Variants in BRF1 observed in about 807,000 individuals in gnomAD.
The protein encoded by BRF1 is BRF1 general transcription factor IIIB subunit.
BRF1 carries 59 observed loss-of-function variants against 81.7 expected under a neutral mutation model. That is an observed-to-expected ratio of 0.72 (90% CI 0.59 to 0.90). The LOEUF (loss-of-function observed/expected upper bound fraction) is 0.90. Ranked by LOEUF, BRF1 falls within the 40% of genes least tolerant of loss-of-function variation. BRF1 has a pLI of 0.00. For synonymous variants in BRF1, 491 were observed against 395.6 expected (o/e 1.24, Z -2.86); for missense variants, 1,050 against 936.3 (o/e 1.12, Z -1.58).
At chr14:105,248,966 C>T (rs946780280) in intron 5 of BRF1, 3 of 980,272 alleles carry the variant, frequency 3.1e-6, no homozygotes, top group Non-Finnish European at 3.6e-6. Flanking sequence ...CCGGGCCGCG[C>T]AGCCCGCCCA....
intron 5 of BRF1, chr14:105,247,234 A>G: frequency 1.0e-6 from 1 of 985,356 alleles, no homozygotes; most frequent in East Asian, 1.1e-4. Context: ...CCGGACTCTC[A>G]TGCATATGCT....
intron 1 of BRF1, among the ~76,000 whole-genome samples, chr14:105,292,056 T>C (rs1423379235): frequency 6.6e-6 from 1 of 152,162 alleles, no homozygotes; most frequent in East Asian, 1.9e-4. Flanking sequence ...AGGGGCACCA[T>C]CACGGCTCAC....
In BRF1 at chr14:105,229,004, A is replaced by C. The variant is rs901323158; in HGVS notation, c.695-91T>G. On this transcript the variant is annotated intron_variant, in intron 6 of 17. Transcript: ENST00000547530. ...CAGGACAACACTGCGGATCCCGGTC[A>C]CGGAGATGATGGCCTGAGAAGACGT... The C allele has an allele frequency of 4.2e-6, 5 of 1,187,210 alleles. No homozygotes were observed. The Admixed American group carries it at 8.4e-5, about 20-fold the overall frequency. 73.5% of individuals were successfully genotyped at this position (1,187,210 alleles called of 1,614,324 possible).
intron 4 of BRF1, among the ~76,000 whole-genome samples, chr14:105,254,493 C>G (rs1331303388): frequency 1.3e-5 from 2 of 152,100 alleles, no homozygotes; most frequent in Admixed American, 6.6e-5. Flanking sequence ...TCCAGACCTC[C>G]TGATCTGCCC....
At chr14:105,254,139 C>G (rs762351968) in intron 4 of BRF1, among the ~76,000 whole-genome samples, 3 of 152,222 alleles carry the variant, frequency 2.0e-5, no homozygotes, top group Non-Finnish European at 4.4e-5. Flanking sequence ...ACCTTGTGTC[C>G]CAGAGACACA....
At chr14:105,247,404 C>T in intron 5 of BRF1, 2 of 985,416 alleles carry the variant, frequency 2.0e-6, no homozygotes, top group Non-Finnish European at 2.4e-6. Context: ...GATTTGTGCA[C>T]TCTGGGCCAT....
chr14:105,314,084 G>C (rs1219270248), intron 1 of BRF1, among the ~76,000 whole-genome samples: 1 of 152,268 alleles, frequency 6.6e-6, no homozygotes, highest in Admixed American at 6.5e-5. Flanking sequence ...GGCTAAGCTC[G>C]GCAGCCTGGC....
chr14:105,288,683 G>T (rs1200398785), intron 1 of BRF1, among the ~76,000 whole-genome samples: 1 of 147,806 alleles, frequency 6.8e-6, no homozygotes, highest in Non-Finnish European at 1.5e-5. Flanking sequence ...ACCCAGGCTG[G>T]AGTGCAGTGG....
At chr14:105,241,584 C>A (rs991807699) in intron 5 of BRF1, 170 bp from the exon 6 acceptor site, 8 of 865,496 alleles carry the variant, frequency 9.2e-6, no homozygotes, top group Non-Finnish European at 1.4e-5. Flanking sequence ...GCTAGGGCAG[C>A]CATCGCACCG....
intron 3 of BRF1, among the ~76,000 whole-genome samples, chr14:105,267,267 C>T (rs921615741): frequency 8.5e-5 from 13 of 152,120 alleles, no homozygotes; most frequent in Admixed American, 2.0e-4. Flanking sequence ...CTGGGTGTGC[C>T]GGTGTTTCCA....
chr14:105,308,185 C>G (rs587693371), intron 1 of BRF1, among the ~76,000 whole-genome samples: 1 of 150,968 alleles, frequency 6.6e-6, no homozygotes, highest in Non-Finnish European at 1.5e-5. Context: ...TCTGTCCCCC[C>G]CAAAAAAACA....
At chr14:105,286,865 A>T in intron 1 of BRF1, among the ~76,000 whole-genome samples, 1 of 152,222 alleles carries the variant, frequency 6.6e-6, no homozygotes. Flanking sequence ...GCGAGAACAC[A>T]GATGTACCTC....
At chr14:105,267,256 G>A (rs1378261826) in intron 3 of BRF1, among the ~76,000 whole-genome samples, 1 of 152,044 alleles carries the variant, frequency 6.6e-6, no homozygotes, top group East Asian at 1.9e-4. Context: ...ATGGGCCCAC[G>A]CTGGGTGTGC....
At chr14:105,222,059 G>A (rs1433438071) in intron 10 of BRF1, 145 bp from the exon 11 acceptor site, 2 of 1,055,090 alleles carry the variant, frequency 1.9e-6, no homozygotes, top group East Asian at 2.7e-5. Flanking sequence ...CAAAGAACGA[G>A]CCTCAGCCCA....
chr14:105,241,385 G>C lies in BRF1; in HGVS notation c.574C>G (p.His192Asp). The change falls in exon 6 of 18, where the codon CAC becomes GAC. Residue 192 changes from histidine (H) to aspartate (D), a missense_variant. Physicochemically the swap from His to Asp is moderately conservative, Grantham distance 81 (BLOSUM62 -1). Transcript: ENST00000547530. Reference protein sequence around the residue: ...DPCLYIPRFAHLLEFGEKNHE... With the variant: ...DPCLYIPRFADLLEFGEKNHE... ...TTCTTCTCCCCGAATTCCAGCAGGT[G>C]CGCAAAGCGTGGAATATACAGGCAC... 1 of 1,612,702 alleles carries C rather than the reference G, an allele frequency of 6.2e-7. No individual in the cohort carries two copies. Among genetic ancestry groups the C allele is most frequent in the Non-Finnish European group, 8.5e-7 (1 of 1,179,940 alleles).
intron 15 of BRF1, among the ~76,000 whole-genome samples, chr14:105,216,163 A>G (rs1253091270): frequency 6.6e-6 from 1 of 152,190 alleles, no homozygotes; most frequent in Non-Finnish European, 1.5e-5. Context: ...ACATGTATAC[A>G]CACACAGAGA....
intron 1 of BRF1, among the ~76,000 whole-genome samples, chr14:105,293,737 C>T (rs2057617844): frequency 6.6e-6 from 1 of 152,190 alleles, no homozygotes; most frequent in Non-Finnish European, 1.5e-5. Context: ...TGCTCGGGTG[C>T]CCCGGGACGC....
At position 105,210,670 on chromosome 14, in the gene BRF1, G is replaced by A. The variant is rs1439984212; in HGVS notation, c.1997-82C>T. The A allele has an allele frequency of 8.1e-6, 12 of 1,489,756 alleles. No homozygotes were observed. The Admixed American group carries it at 1.9e-4, about 23-fold the overall frequency. 92.3% of individuals were successfully genotyped at this position (1,489,756 alleles called of 1,614,324 possible). ...CCCCCCAACCCGCCCTGTTCCTGGTGCCCCCCTAGAAGACTCAGGCTCCAG... is the reference window on the plus strand; with the variant it reads ...CCCCCCAACCCGCCCTGTTCCTGGTACCCCCCTAGAAGACTCAGGCTCCAG... On this transcript the variant is annotated intron_variant, in intron 17 of 17. Coordinates refer to ENST00000547530, the MANE Select transcript of BRF1 (RefSeq NM_001519.4). This position sits in a 1 kb window ranked among gnomAD's most constrained non-coding sequence, Gnocchi z 4.7.
In BRF1 at chr14:105,265,061, T is replaced by G. The variant is rs745502479; in HGVS notation, c.439+7660A>C. 6.5e-4 allele frequency among the ~76,000 whole-genome samples: 94 copies of G among 144,158 alleles called. 3 individuals are homozygous for G. Among genetic ancestry groups the G allele is most frequent in the Non-Finnish European group, 1.1e-3 (72 of 66,574 alleles). 94.6% of individuals were successfully genotyped at this position (144,158 alleles called of 152,430 possible). On this transcript the variant is annotated intron_variant, in intron 3 of 17. Transcript: ENST00000547530. ...CTACTTATCCTTTTTTTTGTTTTTT[T>G]TTTGTTTGTTTGTTTTTTTAGAGAC... is the stretch of plus-strand genomic sequence containing the variant.
Sources: gnomAD v4.1 joint callset for allele counts (sites outside exome capture counted in the v4.1 genomes callset) on GRCh38, gnomAD v4.1.1 for gene constraint, Gnocchi (gnomAD v3.1) non-coding constraint, MANE v1.5 for transcripts, NCBI Gene and HGNC (gene_info 2026-07-23, HGNC 2026-07-21) for gene names.